KCNIP4: variants seen among roughly 807,000 people sequenced by gnomAD.
KCNIP4 encodes the protein Kv channel-interacting protein 4.
Under a neutral mutation model 34.0 loss-of-function variants are expected in KCNIP4, and 12 were observed. That is an observed-to-expected ratio of 0.35 (90% CI 0.23 to 0.57). The LOEUF (loss-of-function observed/expected upper bound fraction) is 0.57. Among genes scored for constraint, KCNIP4 ranks in the 20% least tolerant of loss-of-function variants. The pLI is 0.83. For missense variants in KCNIP4, 238 were observed against 311.7 expected, an observed-to-expected ratio of 0.76 and a Z score of 1.78; for synonymous variants, 124 against 102.2, an observed-to-expected ratio of 1.21 and a Z score of -1.29.
At chr4:20,875,660 A>G (rs535317762) in intron 2 of KCNIP4, among the ~76,000 whole-genome samples, 3 of 152,252 alleles carry the variant, frequency 2.0e-5, no homozygotes, top group Admixed American at 1.3e-4. Context: ...CCTAGGTCAG[A>G]GCCTTTAGCT....
intron 1 of KCNIP4, among the ~76,000 whole-genome samples, chr4:21,324,150 A>G (rs1246936357): frequency 6.6e-6 from 1 of 151,600 alleles, no homozygotes; most frequent in Non-Finnish European, 1.5e-5. Context: ...CTGGTTATTA[A>G]TCCTTTGTCT....
intron 1 of KCNIP4, among the ~76,000 whole-genome samples, chr4:21,934,995 T>C (rs577171436): frequency 3.6e-4 from 55 of 152,222 alleles, no homozygotes; most frequent in Non-Finnish European, 4.9e-4. Flanking sequence ...ACAATTTCTT[T>C]CTTCTGTCCT....
chr4:20,909,943 C>A (rs1728170936), intron 1 of KCNIP4, among the ~76,000 whole-genome samples: 1 of 152,144 alleles, frequency 6.6e-6, no homozygotes, highest in African/African-American at 2.4e-5. Flanking sequence ...TATCACTGAG[C>A]CGCTAAATCA....
intron 1 of KCNIP4, chr4:21,763,120 C>T (rs1718171931): frequency 1.6e-6 from 2 of 1,286,270 alleles, no homozygotes; most frequent in Admixed American, 2.3e-5. Flanking sequence ...ACAGGTTCAC[C>T]AGACAATAAT....
intron 1 of KCNIP4, among the ~76,000 whole-genome samples, chr4:20,954,540 C>G (rs906918191): frequency 3.3e-5 from 5 of 152,020 alleles, no homozygotes; most frequent in African/African-American, 7.3e-5. Flanking sequence ...GTAAATAAAT[C>G]GATCAAGGTA....
At chr4:21,731,431 A>C (rs907953155) in intron 1 of KCNIP4, among the ~76,000 whole-genome samples, 1 of 152,170 alleles carries the variant, frequency 6.6e-6, no homozygotes, top group South Asian at 2.1e-4. Flanking sequence ...AAAAGATCTA[A>C]AAGTAAAATA....
intron 5 of KCNIP4, among the ~76,000 whole-genome samples, chr4:20,738,959 G>C (rs188501458): frequency 9.9e-4 from 151 of 152,336 alleles, no homozygotes; most frequent in African/African-American, 3.3e-3. Flanking sequence ...CTGGCTCAGA[G>C]TGGCCCACAC....
intron 1 of KCNIP4, among the ~76,000 whole-genome samples, chr4:21,864,050 C>T (rs1441490728): frequency 2.6e-5 from 4 of 152,178 alleles, no homozygotes; most frequent in African/African-American, 7.2e-5. Context: ...CTATGAAACT[C>T]TGATGAATAG....
In KCNIP4 at chr4:21,234,176, ATATATAACG is replaced by A. The variant is rs1342910591; in HGVS notation, c.62-351476_62-351468del. Reference sequence around the variant, plus strand: ...ATATATAACGTATATTATATATAACATATATAACGTATATTATATATAACATATATAACG... The same window carrying A: ...ATATATAACGTATATTATATATAACATATATTATATATAACATATATAACG... On this transcript the variant is annotated intron_variant, in intron 1 of 8. Coordinates refer to ENST00000382152, the MANE Select transcript of KCNIP4 (RefSeq NM_025221.6). Among the ~76,000 whole-genome samples the A allele has an allele frequency of 7.0e-4, 72 of 103,294 alleles. 1 individual carries two copies. Among genetic ancestry groups the A allele is most frequent in the Middle Eastern group, 0.013 (1 of 76 alleles). The allele number at this position is 103,294 out of a possible 152,430, so 67.8% of individuals were successfully genotyped here. A position where few individuals can be genotyped will look rare whatever the true frequency, so the allele number is the denominator to read the frequency against.
In KCNIP4 at chr4:21,483,839, G is replaced by T. The variant is rs563176346; in HGVS notation, c.61+464732C>A. Among the ~76,000 whole-genome samples, 144 of 151,264 alleles carry T rather than the reference G, an allele frequency of 9.5e-4. 1 individual carries two copies. The highest frequency in any genetic ancestry group is 3.2e-3 in the African/African-American group (130 of 41,182). On this transcript the variant is annotated intron_variant, in intron 1 of 8. Transcript: ENST00000382152. ...AAAAATAAAAATAAAAATGTGTGTG[G>T]TACCTCCCCTGTCTCTCTCTTCCTC...
intron 1 of KCNIP4, among the ~76,000 whole-genome samples, chr4:20,924,727 A>C (rs1377814243): frequency 6.6e-6 from 1 of 152,202 alleles, no homozygotes; most frequent in Non-Finnish European, 1.5e-5. Flanking sequence ...ACAATTTATC[A>C]TCTTTTAGAA....
chr4:21,673,840 T>C (rs187718927), intron 1 of KCNIP4, among the ~76,000 whole-genome samples: 4 of 152,202 alleles, frequency 2.6e-5, no homozygotes, highest in African/African-American at 9.6e-5. Flanking sequence ...AGTACCTTAC[T>C]TCATCACTTC....
chr4:21,854,955 G>T (rs1040036), intron 1 of KCNIP4, among the ~76,000 whole-genome samples: 48,292 of 152,126 alleles, frequency 0.32, 9,691 homozygotes, highest in Non-Finnish European at 0.46. Context: ...GTATCTGACA[G>T]TTTCCAATGA....
chr4:20,768,372 G>A (rs1475617373), intron 3 of KCNIP4, among the ~76,000 whole-genome samples: 3 of 152,098 alleles, frequency 2.0e-5, no homozygotes, highest in East Asian at 1.9e-4. Flanking sequence ...GACTATGATC[G>A]CAGAAATTAA....
Position 21,304,113 on chromosome 4 carries a change from G to A in KCNIP4, c.62-421404C>T, listed in dbSNP as rs1473111036. The stretch of plus-strand genomic sequence containing the variant: ...AGAGAGAGAGAGAGAGAGAGACAGA[G>A]GAGAGAGAGGGAGAGAGAGAGAGAA... On this transcript the variant is annotated intron_variant, in intron 1 of 8. Coordinates refer to ENST00000382152, the MANE Select transcript of KCNIP4 (RefSeq NM_025221.6). 6.0e-5 allele frequency: 25 copies of A among 418,410 alleles called. No individual in the cohort carries two copies. The African/African-American group carries it at 1.0e-3, about 17-fold the overall frequency. 25.9% of individuals were successfully genotyped at this position (418,410 alleles called of 1,614,324 possible).
chr4:21,917,129 TTTTGTTTG>T (rs11469594), intron 1 of KCNIP4, among the ~76,000 whole-genome samples: 33 of 151,554 alleles, frequency 2.2e-4, no homozygotes, highest in African/African-American at 3.6e-4. Context: ...CAGTTTTGTT[TTTTGTTTG>T]TTTGTTTGTT....
At chr4:21,700,558 T>TG (rs1491210238) in intron 1 of KCNIP4, among the ~76,000 whole-genome samples, 2 of 149,990 alleles carry the variant, frequency 1.3e-5, no homozygotes, top group African/African-American at 5.1e-5. Context: ...GTGTTTTTGT[T>TG]GTTTTTTTTT....
At chr4:21,090,974 G>A (rs1007384101) in intron 1 of KCNIP4, among the ~76,000 whole-genome samples, 2 of 152,124 alleles carry the variant, frequency 1.3e-5, no homozygotes, top group Non-Finnish European at 2.9e-5. Flanking sequence ...ATGTGATTTT[G>A]ACATATGAAA....
At chr4:21,191,304 C>T (rs964243179) in intron 1 of KCNIP4, among the ~76,000 whole-genome samples, 4 of 152,142 alleles carry the variant, frequency 2.6e-5, no homozygotes, top group African/African-American at 4.8e-5. Context: ...CGTGATAGGG[C>T]GGACATTCTA....
Sources: gnomAD v4.1 joint callset for allele counts (sites outside exome capture counted in the v4.1 genomes callset) on GRCh38, gnomAD v4.1.1 for gene constraint, MANE v1.5 for transcripts, NCBI Gene and HGNC (gene_info 2026-07-23, HGNC 2026-07-21) for gene names.